CAST: variants seen among roughly 807,000 people sequenced by gnomAD.
CAST encodes the protein MIR583 host.
CAST carries 76 observed loss-of-function variants against 119.6 expected under a neutral mutation model. That is an observed-to-expected ratio of 0.64 (90% CI 0.53 to 0.77). CAST has a LOEUF of 0.77. Ranked by LOEUF, CAST falls within the 30% of genes least tolerant of loss-of-function variation. CAST has a pLI of 0.00. For synonymous variants in CAST, 319 were observed against 331.6 expected (o/e 0.96, Z 0.41); for missense variants, 953 against 946.5 (o/e 1.01, Z -0.09).
intron 2 of CAST, among the ~76,000 whole-genome samples, chr5:96,694,000 A>G (rs1310906446): frequency 2.0e-5 from 3 of 152,192 alleles, no homozygotes; most frequent in African/African-American, 7.2e-5. Flanking sequence ...GAGTGGACAC[A>G]TAGAGATTGT....
At chr5:96,250,332 G>A in the CAST span, among the ~76,000 whole-genome samples, 1 of 152,098 alleles carries the variant, frequency 6.6e-6, no homozygotes, top group African/African-American at 2.4e-5. Flanking sequence ...AAATTCATCA[G>A]GGCCCCAGGA....
the CAST span, among the ~76,000 whole-genome samples, chr5:96,264,293 C>A: frequency 1.3e-5 from 2 of 152,144 alleles, no homozygotes; most frequent in Non-Finnish European, 2.9e-5. Flanking sequence ...TAGTTCCTGG[C>A]AAATGTCTTG....
At chr5:96,163,616 T>A in the CAST span, among the ~76,000 whole-genome samples, 11 of 152,246 alleles carry the variant, frequency 7.2e-5, no homozygotes, top group African/African-American at 2.4e-4. Flanking sequence ...GATATTGTTT[T>A]TAACAGTAGA....
chr5:95,962,645 G>T, the CAST span, among the ~76,000 whole-genome samples: 2 of 152,160 alleles, frequency 1.3e-5, no homozygotes, highest in Non-Finnish European at 2.9e-5. Context: ...TGGTATAATA[G>T]AGAATTGAGC....
chr5:96,624,937 C>A (rs1747690331), intron 1 of CAST, among the ~76,000 whole-genome samples: 1 of 152,176 alleles, frequency 6.6e-6, no homozygotes, highest in African/African-American at 2.4e-5. Flanking sequence ...CACGTGGATT[C>A]AAGTAAGTGT....
At chr5:96,076,270 A>T in the CAST span, among the ~76,000 whole-genome samples, 1 of 152,246 alleles carries the variant, frequency 6.6e-6, no homozygotes, top group African/African-American at 2.4e-5. Context: ...GTCTATCTTC[A>T]GTGTTTTTTA....
chr5:96,547,590 C>T (rs1444254246), intron 1 of CAST, among the ~76,000 whole-genome samples: 1 of 152,228 alleles, frequency 6.6e-6, no homozygotes, highest in Non-Finnish European at 1.5e-5. Flanking sequence ...CCCTCACAGA[C>T]ACACTTAGAA....
the CAST span, among the ~76,000 whole-genome samples, chr5:95,985,914 T>C: frequency 2.0e-5 from 3 of 152,308 alleles, no homozygotes; most frequent in East Asian, 5.8e-4. Flanking sequence ...TTCTTTGACA[T>C]CTCTAAACAC....
upstream of CAST, among the ~76,000 whole-genome samples, chr5:96,657,936 A>C (rs940829574): frequency 1.3e-5 from 2 of 152,122 alleles, no homozygotes; most frequent in Non-Finnish European, 2.9e-5. Context: ...ATCTCTACTA[A>C]AAATACAAAA....
the CAST span, among the ~76,000 whole-genome samples, chr5:96,297,081 G>A: frequency 4.6e-4 from 70 of 152,222 alleles, 1 homozygote; most frequent in Non-Finnish European, 9.1e-4. Context: ...CATTCTCTTA[G>A]AAAGATTTTA....
At chr5:96,473,495 C>G in the CAST span, among the ~76,000 whole-genome samples, 1 of 152,212 alleles carries the variant, frequency 6.6e-6, no homozygotes, top group African/African-American at 2.4e-5. Context: ...AATCCAGGGT[C>G]CCCCTGATTT....
At chr5:96,521,732 C>T (rs1033057942), upstream of CAST, among the ~76,000 whole-genome samples, 8 of 152,156 alleles carry the variant, frequency 5.3e-5, no homozygotes, top group African/African-American at 1.9e-4. Flanking sequence ...TTTCATATGG[C>T]ACATAATTCC....
chr5:96,581,892 A>AT lies in CAST; in HGVS notation c.60+52012_60+52013insT, dbSNP rs1746776523. 6.3e-5 allele frequency among the ~76,000 whole-genome samples: 6 copies of AT among 95,988 alleles called. No individual in the cohort carries two copies. The South Asian group carries it at 2.0e-3, about 31-fold the overall frequency. 63.0% of individuals were successfully genotyped at this position (95,988 alleles called of 152,430 possible). A position where few individuals can be genotyped will look rare whatever the true frequency, so the allele number is the denominator to read the frequency against. ...GGCGACAGAGCGAAACTCTGTCTCA[A>AT]AAAATAAATAAATAAATAAATAAAT... is the stretch of plus-strand genomic sequence containing the variant. On this transcript the variant is annotated intron_variant, in intron 1 of 11. Coordinates refer to the CAST transcript ENST00000505143.
At chr5:96,652,007 T>G (rs1748100366) in intron 1 of CAST, among the ~76,000 whole-genome samples, 1 of 152,204 alleles carries the variant, frequency 6.6e-6, no homozygotes, top group African/African-American at 2.4e-5. Flanking sequence ...TAGGCTCATG[T>G]TACAAAGATA....
At chr5:96,345,251 T>C in the CAST span, among the ~76,000 whole-genome samples, 1 of 151,794 alleles carries the variant, frequency 6.6e-6, no homozygotes. Flanking sequence ...CTTCTTAACC[T>C]AATCTACTCT....
chr5:96,683,439 A>G (rs1751686747), intron 2 of CAST, among the ~76,000 whole-genome samples: 1 of 152,342 alleles, frequency 6.6e-6, no homozygotes, highest in East Asian at 1.9e-4. Flanking sequence ...TCATAATGAC[A>G]GTGTTCAGCT....
At chr5:96,620,250 A>G (rs947238609) in intron 1 of CAST, among the ~76,000 whole-genome samples, 1 of 151,064 alleles carries the variant, frequency 6.6e-6, no homozygotes, top group African/African-American at 2.4e-5. Context: ...GGACAGCCTC[A>G]TGATAAAAAG....
chr5:96,586,011 T>C (rs541931339), intron 1 of CAST, among the ~76,000 whole-genome samples: 15 of 152,346 alleles, frequency 9.8e-5, no homozygotes, highest in African/African-American at 3.6e-4. Flanking sequence ...AGCTAAGATA[T>C]ACTGAAAAAT....
chr5:95,974,939 T>C, the CAST span, among the ~76,000 whole-genome samples: 1 of 152,168 alleles, frequency 6.6e-6, no homozygotes, highest in East Asian at 1.9e-4. Flanking sequence ...TTTTCAGCAG[T>C]TGCACATGGA....
Sources: allele counts gnomAD v4.1 joint callset (sites outside exome capture counted in the v4.1 genomes callset), GRCh38; gene constraint gnomAD v4.1.1; transcripts MANE v1.5; gene names NCBI Gene and HGNC (gene_info 2026-07-23, HGNC 2026-07-21).